Variants in TATDN3 observed in about 807,000 individuals in gnomAD.
The protein encoded by TATDN3 is TatD DNase domain containing 3, also known as deoxyribonuclease TATDN3.
In TATDN3, 29 loss-of-function variants were observed where a neutral mutation model predicts 40.1. The observed-to-expected ratio is 0.72, with a 90% CI of 0.54 to 0.99. TATDN3 has a LOEUF of 0.99. TATDN3 is among the 50% of genes least tolerant of loss of function. TATDN3 has a pLI of 0.00. For synonymous variants in TATDN3, 105 were observed against 117.0 expected, an observed-to-expected ratio of 0.90 and a Z score of 0.66; for missense variants, 309 against 321.9, an observed-to-expected ratio of 0.96 and a Z score of 0.31.
At chr1:212,804,268 T>C (rs1662327860) in intron 5 of TATDN3, 52 bp from the exon 6 acceptor site, 1 of 1,322,248 alleles carries the variant, frequency 7.6e-7, no homozygotes, top group Non-Finnish European at 1.1e-6. Context: ...AAAGATCTCT[T>C]TTGAGGTTCC....
chr1:212,813,556 T>C (rs1166888781), intron 9 of TATDN3, among the ~76,000 whole-genome samples: 1 of 145,778 alleles, frequency 6.9e-6, no homozygotes, highest in Non-Finnish European at 1.5e-5. Context: ...ATTTTTATTT[T>C]CTTTCTTTTC....
chr1:212,792,836 T>C (rs1211643330), intron 1 of TATDN3: 2 of 151,970 alleles, frequency 1.3e-5, no homozygotes, highest in Non-Finnish European at 2.9e-5. Flanking sequence ...AATACACACG[T>C]AAAATCAGTT....
At position 212,801,682 on chromosome 1, in the gene TATDN3, G is replaced by A. The variant is rs142838557; in HGVS notation, c.259-1019G>A. ...AGTTTGGATGTGTGATATGGAAAAAGCTTTGCCTGGAACTGTTTAACCTAC... is the reference window on the plus strand; with the variant it reads ...AGTTTGGATGTGTGATATGGAAAAAACTTTGCCTGGAACTGTTTAACCTAC... On this transcript the variant is annotated intron_variant, in intron 4 of 9. Transcript: ENST00000366974. Among the ~76,000 whole-genome samples, 124 of 152,296 alleles carry A rather than the reference G, an allele frequency of 8.1e-4. 1 individual carries two copies. Among genetic ancestry groups the A allele is most frequent in the African/African-American group, 2.9e-3 (119 of 41,564 alleles).
In TATDN3 at chr1:212,815,282, A is replaced by G. The variant is rs1192003093; in HGVS notation, c.*126A>G. On this transcript the variant is annotated 3_prime_UTR_variant, in exon 10 of 10. Transcript: ENST00000366974. The stretch of plus-strand genomic sequence containing the variant: ...TAGGGTTATAGAAGATTGTAATTGT[A>G]GAGAAATATTTCTCTTAGAAATAAA... 2.7e-6 allele frequency: 3 copies of G among 1,118,156 alleles called. No homozygotes were observed. Among genetic ancestry groups the G allele is most frequent in the African/African-American group, 3.2e-5 (2 of 62,010 alleles). The allele number at this position is 1,118,156 out of a possible 1,614,324, so 69.3% of individuals were successfully genotyped here.
intron 8 of TATDN3, among the ~76,000 whole-genome samples, chr1:212,811,508 C>T (rs1662874398): frequency 6.6e-6 from 1 of 151,914 alleles, no homozygotes; most frequent in African/African-American, 2.4e-5. Context: ...AAGTGACCCA[C>T]CCACCTCAGC....
intron 2 of TATDN3, 64 bp downstream of exon 2, chr1:212,795,191 A>G: frequency 7.9e-7 from 1 of 1,270,748 alleles, no homozygotes; most frequent in Non-Finnish European, 1.1e-6. Context: ...AAGCCAAAAC[A>G]GCTTGAAATT....
chr1:212,810,467 G>A (rs1184221500), intron 8 of TATDN3, among the ~76,000 whole-genome samples: 12 of 141,718 alleles, frequency 8.5e-5, no homozygotes, highest in African/African-American at 2.4e-4. Flanking sequence ...AGCCGAGATC[G>A]CGCCACTGCA....
chr1:212,797,473 A>G (rs974116489), intron 4 of TATDN3: 5 of 326,418 alleles, frequency 1.5e-5, no homozygotes, highest in Non-Finnish European at 2.9e-5. Flanking sequence ...ATTATAGCAC[A>G]TGGAAAATAC....
chr1:212,794,877 C>T (rs1661635401), intron 1 of TATDN3: 1 of 653,718 alleles, frequency 1.5e-6, no homozygotes, highest in Non-Finnish European at 2.8e-6. Context: ...GTATATTTGA[C>T]AATAGAGGCT....
chr1:212,808,186 G>A (rs987837725), intron 8 of TATDN3, among the ~76,000 whole-genome samples: 1 of 151,936 alleles, frequency 6.6e-6, no homozygotes, highest in African/African-American at 2.4e-5. Flanking sequence ...GGTGGCATGT[G>A]CTTGTAATCC....
At chr1:212,797,313 A>G (rs1661845051) in intron 4 of TATDN3, 117 bp downstream of exon 4, 1 of 751,730 alleles carries the variant, frequency 1.3e-6, no homozygotes, top group Non-Finnish European at 2.2e-6. Flanking sequence ...AGAAGGAAAC[A>G]TTACCTTCTT....
chr1:212,796,233 C>G (rs190012466), intron 2 of TATDN3, among the ~76,000 whole-genome samples: 1 of 152,256 alleles, frequency 6.6e-6, no homozygotes, highest in Admixed American at 6.5e-5. Flanking sequence ...ATATATAGAC[C>G]TGATGACCTT....
rs1439930747 is a variant in TATDN3, at chr1:212,815,861, G to C, written c.*705G>C. 6.6e-6 allele frequency: 1 copy of C among 152,218 alleles called. No individual in the cohort carries two copies. Among genetic ancestry groups the C allele is most frequent in the Non-Finnish European group, 1.5e-5 (1 of 68,050 alleles). The allele number at this position is 152,218 out of a possible 1,614,324, so 9.4% of individuals were successfully genotyped here. A position where few individuals can be genotyped will look rare whatever the true frequency, so the allele number is the denominator to read the frequency against. ...ACCACCTATTTTTCTTCCCATAGGA[G>C]TTAGCCAGTGAAGGGAGAATGTCTG... On this transcript the variant is annotated 3_prime_UTR_variant, in exon 10 of 10. Transcript: ENST00000366974.
At chr1:212,807,075 C>T (rs888470128) in intron 7 of TATDN3, among the ~76,000 whole-genome samples, 1 of 151,408 alleles carries the variant, frequency 6.6e-6, no homozygotes, top group Non-Finnish European at 1.5e-5. Context: ...TCCCAAGTAG[C>T]TGGGATTACA....
chr1:212,808,213 T>G (rs1662655760), intron 8 of TATDN3, among the ~76,000 whole-genome samples: 1 of 149,702 alleles, frequency 6.7e-6, no homozygotes. Context: ...CTTGGGAGGG[T>G]GAGGCAGGAG....
intron 8 of TATDN3, among the ~76,000 whole-genome samples, chr1:212,809,305 G>A (rs1001544926): frequency 6.6e-6 from 1 of 152,184 alleles, no homozygotes; most frequent in African/African-American, 2.4e-5. Context: ...GGTGATGATT[G>A]TACAATTTTG....
At chr1:212,811,587 AT>A (rs201293730) in intron 8 of TATDN3, among the ~76,000 whole-genome samples, 8 of 150,802 alleles carry the variant, frequency 5.3e-5, no homozygotes, top group African/African-American at 1.9e-4. Flanking sequence ...GTAAAAAATA[AT>A]TTTTTTTTGA....
intron 1 of TATDN3, among the ~76,000 whole-genome samples, chr1:212,792,632 CAAAA>C (rs752952752): frequency 2.5e-4 from 19 of 75,102 alleles, no homozygotes; most frequent in African/African-American, 1.0e-3. Context: ...GACCCTGTCT[CAAAA>C]AAAAAAAAAA....
At chr1:212,799,043 C>G (rs1278436205) in intron 4 of TATDN3, among the ~76,000 whole-genome samples, 1 of 152,188 alleles carries the variant, frequency 6.6e-6, no homozygotes, top group African/African-American at 2.4e-5. Context: ...AAGAGAGGAT[C>G]AGGGTGTTAT....
Sources: allele counts gnomAD v4.1 joint callset (sites outside exome capture counted in the v4.1 genomes callset), GRCh38; gene constraint gnomAD v4.1.1; transcripts MANE v1.5; gene names NCBI Gene and HGNC (gene_info 2026-07-23, HGNC 2026-07-21).